FHIT: variants seen among roughly 807,000 people sequenced by gnomAD.
FHIT encodes bis(5'-adenosyl)-triphosphatase.
In FHIT, 19 loss-of-function variants were observed where a neutral mutation model predicts 17.9. That is an observed-to-expected ratio of 1.06 (90% CI 0.74 to 1.56). FHIT has a LOEUF of 1.56. Among genes scored for constraint, FHIT ranks in the 40% most tolerant of loss-of-function variants. The pLI is 0.00. For missense variants in FHIT, 248 were observed against 189.2 expected, an observed-to-expected ratio of 1.31 and a Z score of -1.82; for synonymous variants, 81 against 69.7, an observed-to-expected ratio of 1.16 and a Z score of -0.81.
At chr3:60,752,376 T>C (rs1243607024) in intron 4 of FHIT, among the ~76,000 whole-genome samples, 1 of 152,184 alleles carries the variant, frequency 6.6e-6, no homozygotes, top group Non-Finnish European at 1.5e-5. Context: ...GGAGAATCAA[T>C]TGTGCATTCG....
chr3:59,897,740 C>T (rs958112156), intron 8 of FHIT, among the ~76,000 whole-genome samples: 7 of 151,926 alleles, frequency 4.6e-5, no homozygotes, highest in African/African-American at 1.5e-4. Context: ...CTGAAATGCT[C>T]CAAATGCTCC....
intron 3 of FHIT, among the ~76,000 whole-genome samples, chr3:60,924,494 A>C (rs570793344): frequency 1.3e-5 from 2 of 152,316 alleles, no homozygotes; most frequent in East Asian, 3.9e-4. Context: ...TGCAGCTGAG[A>C]GTCCTGACTG....
chr3:61,087,631 A>G (rs2035346737), intron 2 of FHIT, among the ~76,000 whole-genome samples: 1 of 152,234 alleles, frequency 6.6e-6, no homozygotes, highest in Non-Finnish European at 1.5e-5. Context: ...TAATGATGAC[A>G]AAAACAATAA....
chr3:60,641,017 C>A (rs112231891), intron 4 of FHIT, among the ~76,000 whole-genome samples: 4,899 of 151,832 alleles, frequency 0.032, 121 homozygotes, highest in South Asian at 0.044. Context: ...CTGTCTTTAC[C>A]AAAAATACAA....
At chr3:59,971,770 A>G (rs942924049) in intron 7 of FHIT, among the ~76,000 whole-genome samples, 1 of 152,152 alleles carries the variant, frequency 6.6e-6, no homozygotes, top group Admixed American at 6.5e-5. Flanking sequence ...AGATACGTCA[A>G]TTCTAAGGAG....
chr3:61,064,665 G>T (rs1003961588), intron 2 of FHIT, among the ~76,000 whole-genome samples: 3 of 152,024 alleles, frequency 2.0e-5, no homozygotes, highest in African/African-American at 7.2e-5. Flanking sequence ...GTGAGATAAG[G>T]CTCTGCCACT....
At chr3:59,904,380 T>C (rs1704486523) in intron 8 of FHIT, among the ~76,000 whole-genome samples, 2 of 151,868 alleles carry the variant, frequency 1.3e-5, no homozygotes, top group Non-Finnish European at 2.9e-5. Flanking sequence ...GGAGATGATT[T>C]TCATGCAATT....
chr3:60,064,239 T>A (rs1232378337), intron 5 of FHIT, among the ~76,000 whole-genome samples: 4 of 152,228 alleles, frequency 2.6e-5, no homozygotes, highest in Non-Finnish European at 2.9e-5. Flanking sequence ...AATAATTACC[T>A]AGTAATAATA....
chr3:60,879,217 G>C (rs1704839457), intron 3 of FHIT, among the ~76,000 whole-genome samples: 1 of 152,170 alleles, frequency 6.6e-6, no homozygotes. Context: ...TTGTGGTTTT[G>C]ATTTGCATTT....
intron 6 of FHIT, among the ~76,000 whole-genome samples, chr3:60,012,549 G>T (rs951168652): frequency 2.6e-5 from 4 of 152,072 alleles, no homozygotes; most frequent in Non-Finnish European, 4.4e-5. Flanking sequence ...GATTACAGGT[G>T]TGAGCCACCA....
chr3:60,989,352 T>G (rs2107577673), intron 3 of FHIT, among the ~76,000 whole-genome samples: 1 of 152,058 alleles, frequency 6.6e-6, no homozygotes, highest in Admixed American at 6.6e-5. Context: ...GACAGGGGTC[T>G]TGCTTTGTTG....
chr3:61,088,713 G>C (rs1007791126), intron 2 of FHIT, among the ~76,000 whole-genome samples: 3 of 151,952 alleles, frequency 2.0e-5, no homozygotes, highest in African/African-American at 7.3e-5. Context: ...TACTATCTTT[G>C]ATTTCACAAT....
At chr3:61,027,725 A>C (rs2032808352) in intron 3 of FHIT, among the ~76,000 whole-genome samples, 1 of 152,220 alleles carries the variant, frequency 6.6e-6, no homozygotes. Context: ...ATGATTATTC[A>C]TCAGTTGCAA....
chr3:60,787,448 A>G (rs1700621905), intron 4 of FHIT, among the ~76,000 whole-genome samples: 1 of 152,222 alleles, frequency 6.6e-6, no homozygotes, highest in Non-Finnish European at 1.5e-5. Context: ...AACAGGGATC[A>G]CTGTTGTAAT....
chr3:60,250,781 G>T (rs1705666533), intron 5 of FHIT, among the ~76,000 whole-genome samples: 2 of 152,022 alleles, frequency 1.3e-5, no homozygotes, highest in South Asian at 4.1e-4. Flanking sequence ...TTAAAAAAAA[G>T]ACCACCTGAT....
intron 4 of FHIT, among the ~76,000 whole-genome samples, chr3:60,753,424 A>C (rs1198895470): frequency 6.6e-6 from 1 of 152,194 alleles, no homozygotes; most frequent in Non-Finnish European, 1.5e-5. Context: ...GGCAGAGCAG[A>C]GGGCGGATCC....
intron 5 of FHIT, among the ~76,000 whole-genome samples, chr3:60,189,745 C>T (rs1032199073): frequency 1.3e-5 from 2 of 152,148 alleles, no homozygotes; most frequent in African/African-American, 2.4e-5. Context: ...CATTTACCCA[C>T]GTTTTTTCAT....
chr3:59,919,047 G>T (rs1209720716), intron 8 of FHIT, among the ~76,000 whole-genome samples: 2 of 152,118 alleles, frequency 1.3e-5, no homozygotes, highest in African/African-American at 4.8e-5. Flanking sequence ...AAAACAATAT[G>T]TTTCACTAGG....
At chr3:61,176,901 C>T (rs1412499715) in intron 2 of FHIT, among the ~76,000 whole-genome samples, 1 of 152,186 alleles carries the variant, frequency 6.6e-6, no homozygotes, top group African/African-American at 2.4e-5. Flanking sequence ...ACCGGCCGGG[C>T]GTGGTGGCTC....
Sources: allele counts gnomAD v4.1 joint callset (sites outside exome capture counted in the v4.1 genomes callset), GRCh38; gene constraint gnomAD v4.1.1; transcripts MANE v1.5; gene names NCBI Gene and HGNC (gene_info 2026-07-23, HGNC 2026-07-21).